Variants in ARHGAP15 observed in about 807,000 individuals in gnomAD.
ARHGAP15 encodes Rho GTPase activating protein 15, also known as rho GTPase-activating protein 15.
Under a neutral mutation model 63.7 loss-of-function variants are expected in ARHGAP15, and 51 were observed. That is an observed-to-expected ratio of 0.80 (90% CI 0.64 to 1.01). The LOEUF is 1.01. Ranked by LOEUF, ARHGAP15 falls within the 50% of genes least tolerant of loss-of-function variation. The pLI, the probability that ARHGAP15 is intolerant of heterozygous loss-of-function variation, is 0.00. For synonymous variants in ARHGAP15, 191 were observed against 193.8 expected (o/e 0.99, Z 0.12); for missense variants, 560 against 564.6 (o/e 0.99, Z 0.08).
intron 12 of ARHGAP15, among the ~76,000 whole-genome samples, chr2:143,656,879 C>T (rs1681462515): frequency 6.7e-6 from 1 of 150,354 alleles, no homozygotes; most frequent in Admixed American, 6.6e-5. Flanking sequence ...CAAAGACCTC[C>T]CTTCTGACTT....
At chr2:143,454,724 A>G (rs957579494) in intron 8 of ARHGAP15, among the ~76,000 whole-genome samples, 2 of 152,092 alleles carry the variant, frequency 1.3e-5, no homozygotes, top group African/African-American at 4.8e-5. Flanking sequence ...TATTCATAAT[A>G]CAAGCGGATT....
At position 143,175,782 on chromosome 2, in the gene ARHGAP15, TAAGGCTATTAATGATGATCATCTTGAA is replaced by T. The variant is rs1169879472; in HGVS notation, c.165+20130_165+20156del. On this transcript the variant is annotated intron_variant, in intron 2 of 13. Transcript: ENST00000295095. The stretch of plus-strand genomic sequence containing the variant: ...AACTGCTGCAAACCACCAATATCTC[TAAGGCTATTAATGATGATCATCTTGAA>T]AACCCAACCTAGTAGCAGATGTGGT... 2.6e-5 allele frequency among the ~76,000 whole-genome samples: 4 copies of T among 152,226 alleles called. No individual in the cohort carries two copies. In the East Asian group the frequency reaches 7.7e-4, roughly 29 times the overall value.
intron 13 of ARHGAP15, among the ~76,000 whole-genome samples, chr2:143,714,044 G>C (rs1237105958): frequency 6.6e-6 from 1 of 152,238 alleles, no homozygotes; most frequent in African/African-American, 2.4e-5. Context: ...AAGGGACTCT[G>C]TGTGGGGACT....
rs563121678 is a variant in ARHGAP15 at position 143,405,421 on chromosome 2, T to G, written c.475-30180T>G. On this transcript the variant is annotated intron_variant, in intron 6 of 13. Coordinates refer to ENST00000295095, the MANE Select transcript of ARHGAP15 (RefSeq NM_018460.4). Reference sequence around the variant, plus strand: ...GGTTATCCTTGTACATTTTAGTACTTGTTTCATCAACTTCAGTAAAATTTA... The same window carrying G: ...GGTTATCCTTGTACATTTTAGTACTGGTTTCATCAACTTCAGTAAAATTTA... Among the ~76,000 whole-genome samples the G allele has an allele frequency of 1.1e-4, 16 of 152,048 alleles. 1 individual carries two copies. The South Asian group carries it at 3.3e-3, about 31-fold the overall frequency.
chr2:143,689,588 C>T (rs1053922631), intron 12 of ARHGAP15, among the ~76,000 whole-genome samples: 2 of 152,176 alleles, frequency 1.3e-5, no homozygotes, highest in Non-Finnish European at 2.9e-5. Flanking sequence ...AAGCTATACT[C>T]AAATGGCAAA....
At chr2:143,440,899 T>A (rs1022406908) in intron 8 of ARHGAP15, among the ~76,000 whole-genome samples, 1 of 152,092 alleles carries the variant, frequency 6.6e-6, no homozygotes, top group African/African-American at 2.4e-5. Flanking sequence ...GAGAATTGTC[T>A]TCCACTGACA....
At chr2:143,240,468 T>C (rs545285067) in intron 5 of ARHGAP15, among the ~76,000 whole-genome samples, 1 of 152,148 alleles carries the variant, frequency 6.6e-6, no homozygotes, top group Non-Finnish European at 1.5e-5. Flanking sequence ...AGAGTGAGTA[T>C]TGAGCCCTTA....
intron 10 of ARHGAP15, among the ~76,000 whole-genome samples, chr2:143,523,704 A>C (rs1371604652): frequency 6.6e-6 from 1 of 152,156 alleles, no homozygotes; most frequent in Non-Finnish European, 1.5e-5. Context: ...TTTGTAATAT[A>C]ATTTAGATTA....
chr2:143,765,115 G>A (rs1203349733), intron 13 of ARHGAP15, among the ~76,000 whole-genome samples: 11 of 111,116 alleles, frequency 9.9e-5, no homozygotes, highest in African/African-American at 2.5e-4. Flanking sequence ...AAATATGTGT[G>A]TGTGTGTGTG....
At chr2:143,372,356 A>G (rs1686600185) in intron 6 of ARHGAP15, among the ~76,000 whole-genome samples, 1 of 150,520 alleles carries the variant, frequency 6.6e-6, no homozygotes, top group Non-Finnish European at 1.5e-5. Context: ...ATTTAAAAAA[A>G]AAAAAAAAAA....
intron 6 of ARHGAP15, among the ~76,000 whole-genome samples, chr2:143,411,229 T>C (rs1169525658): frequency 1.2e-5 from 1 of 85,378 alleles, no homozygotes; most frequent in Non-Finnish European, 2.5e-5. Context: ...AAAGAAAATA[T>C]AGTAGGAAAG....
At chr2:143,233,806 G>A (rs564828304) in intron 5 of ARHGAP15, among the ~76,000 whole-genome samples, 13 of 151,766 alleles carry the variant, frequency 8.6e-5, no homozygotes, top group South Asian at 4.2e-4. Context: ...CACCAAGCCC[G>A]GCTAATTTTG....
chr2:143,468,875 A>C (rs556894179), intron 8 of ARHGAP15, among the ~76,000 whole-genome samples: 1 of 152,318 alleles, frequency 6.6e-6, no homozygotes, highest in East Asian at 1.9e-4. Flanking sequence ...GAACAAAACC[A>C]GTCTATTCTG....
intron 12 of ARHGAP15, among the ~76,000 whole-genome samples, chr2:143,678,331 A>G (rs1313692549): frequency 6.6e-6 from 1 of 152,250 alleles, no homozygotes; most frequent in African/African-American, 2.4e-5. Flanking sequence ...TGGAGTATGC[A>G]TCTTGAGAAA....
At chr2:143,272,355 G>A (rs1039398288) in intron 6 of ARHGAP15, among the ~76,000 whole-genome samples, 1 of 152,076 alleles carries the variant, frequency 6.6e-6, no homozygotes, top group African/African-American at 2.4e-5. Flanking sequence ...AATGGGCCAG[G>A]CACAGTGGCT....
intron 11 of ARHGAP15, among the ~76,000 whole-genome samples, chr2:143,577,442 A>AT (rs923900676): frequency 5.3e-5 from 8 of 152,106 alleles, no homozygotes; most frequent in African/African-American, 1.7e-4. Flanking sequence ...AAACCAAAGG[A>AT]TTTTTTTCCT....
At chr2:143,521,734 A>G (rs1408623621) in intron 10 of ARHGAP15, among the ~76,000 whole-genome samples, 1 of 152,150 alleles carries the variant, frequency 6.6e-6, no homozygotes, top group Non-Finnish European at 1.5e-5. Context: ...AATGGTCTTG[A>G]TACTCACTAC....
chr2:143,603,676 T>C (rs1697866523), intron 11 of ARHGAP15, among the ~76,000 whole-genome samples: 1 of 152,206 alleles, frequency 6.6e-6, no homozygotes, highest in Admixed American at 6.5e-5. Flanking sequence ...CTGTTGAAGT[T>C]GAAGTAGTCT....
intron 2 of ARHGAP15, among the ~76,000 whole-genome samples, chr2:143,161,747 G>A (rs187640698): frequency 2.0e-5 from 3 of 152,018 alleles, no homozygotes; most frequent in South Asian, 2.1e-4. Context: ...CAACTAGAAC[G>A]GAGCAAGAAG....
Sources: gnomAD v4.1 joint callset for allele counts (sites outside exome capture counted in the v4.1 genomes callset) on GRCh38, gnomAD v4.1.1 for gene constraint, MANE v1.5 for transcripts, NCBI Gene and HGNC (gene_info 2026-07-23, HGNC 2026-07-21) for gene names.